FASTKD1: variants seen among roughly 807,000 people sequenced by gnomAD.
FASTKD1 encodes FAST kinase domains 1.
A neutral mutation model predicts 90.9 loss-of-function variants in FASTKD1; 94 were observed. That is an observed-to-expected ratio of 1.03 (90% CI 0.88 to 1.23). The LOEUF is 1.23. Ranked by LOEUF, FASTKD1 falls within the 50% of genes most tolerant of loss-of-function variation. FASTKD1 has a pLI of 0.00. For synonymous variants in FASTKD1, 319 were observed against 345.8 expected (o/e 0.92, Z 0.86); for missense variants, 945 against 993.5 (o/e 0.95, Z 0.66).
intron 4 of FASTKD1, 62 bp from the exon 5 acceptor site, chr2:169,560,847 T>TGAG: frequency 7.9e-7 from 1 of 1,271,640 alleles, no homozygotes; most frequent in African/African-American, 1.6e-5. Flanking sequence ...TTCTTTTTTT[T>TGAG]TTTTTTTTTT....
At chr2:169,555,314 G>T (rs760003936) in intron 6 of FASTKD1, 59 bp from the exon 7 acceptor site, 1 of 1,447,668 alleles carries the variant, frequency 6.9e-7, no homozygotes, top group Non-Finnish European at 9.5e-7. Flanking sequence ...CATTTACTAT[G>T]GTGCTTTCAC....
At chr2:169,534,969 CT>C (rs1684666155) in intron 12 of FASTKD1, among the ~76,000 whole-genome samples, 1 of 150,668 alleles carries the variant, frequency 6.6e-6, no homozygotes. Flanking sequence ...TTAAGCATGT[CT>C]CATGTAATTT....
intron 3 of FASTKD1, 128 bp downstream of exon 3, chr2:169,569,056 G>C (rs1035359593): frequency 1.3e-6 from 1 of 766,214 alleles, no homozygotes; most frequent in Non-Finnish European, 2.2e-6. Flanking sequence ...AAACTAAACT[G>C]AGTTTAAATA....
At chr2:169,559,155 T>C (rs1210653392) in intron 5 of FASTKD1, among the ~76,000 whole-genome samples, 1 of 151,644 alleles carries the variant, frequency 6.6e-6, no homozygotes, top group Non-Finnish European at 1.5e-5. Context: ...GTATTTTTAG[T>C]AGAGACGGGG....
At chr2:169,559,527 C>T (rs532865640) in intron 5 of FASTKD1, among the ~76,000 whole-genome samples, 1 of 152,314 alleles carries the variant, frequency 6.6e-6, no homozygotes, top group Admixed American at 6.5e-5. Flanking sequence ...CCTCCTTGGG[C>T]TCAGGTGATC....
Position 169,564,295 on chromosome 2 carries a change from G to C in FASTKD1, c.447-945C>G, listed in dbSNP as rs183414508. ...AAATTTGAACACAGACAAGGTACTA[G>C]GTAATATCGAAAATTTAAATTTATC... On this transcript the variant is annotated intron_variant, in intron 3 of 14. Coordinates refer to ENST00000453153, the MANE Select transcript of FASTKD1 (RefSeq NM_024622.6). Among the ~76,000 whole-genome samples, 6 of 152,098 alleles carry C rather than the reference G, an allele frequency of 3.9e-5. No homozygotes were observed. In the East Asian group the frequency reaches 1.2e-3, roughly 29 times the overall value.
chr2:169,560,603 C>A lies in FASTKD1; in HGVS notation c.755G>T (p.Cys252Phe). ...CACATTACTTAAAAATACGTTATTA[C>A]ATCTTTCTAATAGTGGTTGATAACG... ...RYRYQPLLER[C>F]NNVFLSNVDH... Residue 252 changes from cysteine to phenylalanine, a missense_variant, in exon 5 of 15, where the codon TGT becomes TTT. By Grantham distance (205) the Cys-to-Phe change is radical (BLOSUM62 -2). Coordinates refer to ENST00000453153, the MANE Select transcript of FASTKD1 (RefSeq NM_024622.6). 4.3e-6 allele frequency: 7 copies of A among 1,609,866 alleles called. No individual in the cohort carries two copies. The highest frequency in any genetic ancestry group is 5.1e-6 in the Non-Finnish European group (6 of 1,178,604).
chr2:169,543,734 C>A, intron 9 of FASTKD1, among the ~76,000 whole-genome samples: 1 of 151,440 alleles, frequency 6.6e-6, no homozygotes, highest in East Asian at 1.9e-4. Context: ...CATTATTATA[C>A]AGTTTATTAT....
chr2:169,541,790 A>G (rs569855182), intron 9 of FASTKD1, among the ~76,000 whole-genome samples: 2 of 152,280 alleles, frequency 1.3e-5, no homozygotes, highest in East Asian at 3.9e-4. Flanking sequence ...CTCTCCAGGC[A>G]GAGCAAAAAG....
chr2:169,567,864 T>C (rs1446903), intron 3 of FASTKD1, among the ~76,000 whole-genome samples: 55,632 of 151,900 alleles, frequency 0.37, 10,640 homozygotes, highest in Admixed American at 0.48. Context: ...CCACTAACAA[T>C]AGACTACAAT....
chr2:169,541,644 T>C (rs1684961201), intron 9 of FASTKD1, among the ~76,000 whole-genome samples: 2 of 152,164 alleles, frequency 1.3e-5, no homozygotes, highest in Non-Finnish European at 2.9e-5. Flanking sequence ...ACAATTAATA[T>C]ATTTATACTT....
At chr2:169,561,859 T>G (rs564591328) in intron 4 of FASTKD1, among the ~76,000 whole-genome samples, 10 of 143,330 alleles carry the variant, frequency 7.0e-5, no homozygotes, top group African/African-American at 2.5e-4. Flanking sequence ...TAATTTATTG[T>G]AAAATAATTA....
Position 169,569,239 on chromosome 2 carries a change from C to T in FASTKD1, c.391G>A (p.Ala131Thr). Residue 131 changes from alanine to threonine, a missense_variant, in exon 3 of 15, where the codon GCC (alanine) becomes ACC (threonine). Ala to Thr is a moderately conservative substitution (Grantham distance 58, BLOSUM62 0). Transcript: ENST00000453153. ...AGTGCTTCAACTAGCGGGTCATGGGCCTCACCAGCAAACCTTAATAAAAAA... is the reference window on the plus strand; with the variant it reads ...AGTGCTTCAACTAGCGGGTCATGGGTCTCACCAGCAAACCTTAATAAAAAA... ...LYVTQQFAGEAHDPLVEALVT... is the reference protein window; with the variant it reads ...LYVTQQFAGETHDPLVEALVT... 1.9e-6 allele frequency: 3 copies of T among 1,613,946 alleles called. No individual in the cohort carries two copies. Among genetic ancestry groups the T allele is most frequent in the African/African-American group, 1.3e-5 (1 of 74,984 alleles).
intron 3 of FASTKD1, 33 bp downstream of exon 3, chr2:169,569,151 C>A: frequency 6.3e-7 from 1 of 1,579,072 alleles, no homozygotes; most frequent in Non-Finnish European, 8.7e-7. Context: ...AAAAGAATAA[C>A]CCTGATCTTC....
rs1683706840 is a variant in FASTKD1 at position 169,562,059 on chromosome 2, TA to T, written c.572+1165del. Among the ~76,000 whole-genome samples, 2 of 131,494 alleles carry T rather than the reference TA, an allele frequency of 1.5e-5. 1 individual carries two copies. The highest frequency in any genetic ancestry group is 3.2e-5 in the Non-Finnish European group (2 of 62,738). 86.3% of individuals were successfully genotyped at this position (131,494 alleles called of 152,430 possible). A position where few individuals can be genotyped will look rare whatever the true frequency, so the allele number is the denominator to read the frequency against. On this transcript the variant is annotated intron_variant, in intron 4 of 14. Coordinates refer to ENST00000453153, the MANE Select transcript of FASTKD1 (RefSeq NM_024622.6). ...AATTTATTGTAAATTAATTATTTAT[TA>T]ATTTATTGTAAAATAATTATTTATT...
rs566678415 is a variant in FASTKD1 at position 169,560,006 on chromosome 2, A to C, written c.971+381T>G. Reference sequence around the variant, plus strand: ...GATGATTATTGTGATGAAGACAGCAAAGCATAAAATGGCCCTCTGCTATGA... The same window carrying C: ...GATGATTATTGTGATGAAGACAGCACAGCATAAAATGGCCCTCTGCTATGA... On this transcript the variant is annotated intron_variant, in intron 5 of 14. Coordinates refer to ENST00000453153, the MANE Select transcript of FASTKD1 (RefSeq NM_024622.6). Among the ~76,000 whole-genome samples, 236 of 152,236 alleles carry C rather than the reference A, an allele frequency of 1.6e-3. 3 individuals carry two copies. The highest frequency in any genetic ancestry group is 1.5e-3 in the Admixed American group (23 of 15,288).
chr2:169,553,435 C>T (rs1685589538), intron 7 of FASTKD1, among the ~76,000 whole-genome samples: 1 of 151,924 alleles, frequency 6.6e-6, no homozygotes, highest in East Asian at 1.9e-4. Flanking sequence ...ATCATCTTAC[C>T]ATCTTAAGAA....
At chr2:169,534,332 A>T (rs921373522) in intron 12 of FASTKD1, among the ~76,000 whole-genome samples, 1 of 151,840 alleles carries the variant, frequency 6.6e-6, no homozygotes, top group Non-Finnish European at 1.5e-5. Flanking sequence ...ATGGGAGGAC[A>T]CAGCATTCAA....
intron 3 of FASTKD1, among the ~76,000 whole-genome samples, chr2:169,565,249 CTTTTTTTTTTTTT>C (rs71003101): frequency 3.0e-4 from 8 of 26,518 alleles, no homozygotes; most frequent in African/African-American, 6.8e-4. Context: ...CCACACCAGG[CTTTTTTTTTTTTT>C]TTTTTTTTTT....
Sources: gnomAD v4.1 joint callset for allele counts (sites outside exome capture counted in the v4.1 genomes callset) on GRCh38, gnomAD v4.1.1 for gene constraint, MANE v1.5 for transcripts, NCBI Gene and HGNC (gene_info 2026-07-23, HGNC 2026-07-21) for gene names.